The following CC2D2A variants were observed in gnomAD, a reference collection of about 807,000 sequenced individuals.
The protein encoded by CC2D2A is coiled-coil and C2 domain containing 2A, also known as coiled-coil and C2 domain-containing protein 2A.
CC2D2A carries 155 observed loss-of-function variants against 212.9 expected under a neutral mutation model. That is an observed-to-expected ratio of 0.73 (90% confidence interval 0.64 to 0.83). CC2D2A has a LOEUF of 0.83. Ranked by LOEUF, CC2D2A falls within the 40% of genes least tolerant of loss-of-function variation. CC2D2A has a pLI of 0.00. For missense variants in CC2D2A, 1,856 were observed against 1,956.2 expected (o/e 0.95, Z 0.97); for synonymous variants, 667 against 686.5 (o/e 0.97, Z 0.44).
At chr4:15,528,420 C>G (rs1307012373) in intron 12 of CC2D2A, among the ~76,000 whole-genome samples, 200 bp from the exon 13 acceptor site, 1 of 152,174 alleles carries the variant, frequency 6.6e-6, no homozygotes, top group Non-Finnish European at 1.5e-5. Context: ...CTTTACTAAT[C>G]CAGTTTCTTC....
chr4:15,501,502 A>G (rs1715951547), intron 4 of CC2D2A, among the ~76,000 whole-genome samples: 1 of 152,162 alleles, frequency 6.6e-6, no homozygotes. Flanking sequence ...TTAATGTGAC[A>G]TCAGAGGCTC....
chr4:15,519,874 T>C (rs1717108395), intron 11 of CC2D2A: 1 of 283,410 alleles, frequency 3.5e-6, no homozygotes, highest in Non-Finnish European at 7.1e-6. Flanking sequence ...AGATGAGTTT[T>C]GGGTGGGGAC....
chr4:15,540,655 G>C (rs1251622310), intron 16 of CC2D2A, among the ~76,000 whole-genome samples, 182 bp from the exon 17 acceptor site: 1 of 152,140 alleles, frequency 6.6e-6, no homozygotes, highest in East Asian at 1.9e-4. Context: ...TCTGTTAATG[G>C]CTTCTCCATA....
At chr4:15,567,313 G>C in intron 24 of CC2D2A, 64 bp from the exon 25 acceptor site, 1 of 1,211,258 alleles carries the variant, frequency 8.3e-7, no homozygotes, top group Non-Finnish European at 1.2e-6. Flanking sequence ...ATAAATAATT[G>C]TCTTCTCAAT....
At chr4:15,570,136 C>T (rs141892495) in intron 27 of CC2D2A, among the ~76,000 whole-genome samples, 20 of 152,276 alleles carry the variant, frequency 1.3e-4, no homozygotes, top group East Asian at 9.6e-4. Context: ...AGGTGCTTTA[C>T]GCACATTGTC....
intron 14 of CC2D2A, 133 bp from the exon 15 acceptor site, chr4:15,536,787 T>C: frequency 2.7e-6 from 2 of 748,312 alleles, no homozygotes; most frequent in Non-Finnish European, 4.3e-6. Context: ...CCTCACAGGA[T>C]TGTGAGTTTA....
chr4:15,524,423 ACTCGGCC>A (rs1717383936), intron 11 of CC2D2A, among the ~76,000 whole-genome samples: 2 of 141,646 alleles, frequency 1.4e-5, no homozygotes, highest in African/African-American at 5.3e-5. Context: ...GAGCCACTGC[ACTCGGCC>A]TTCTGTAAAA....
At chr4:15,470,800 T>C (rs145720158) in intron 1 of CC2D2A, among the ~76,000 whole-genome samples, 134 of 149,846 alleles carry the variant, frequency 8.9e-4, no homozygotes, top group Middle Eastern at 3.5e-3. Context: ...CACCAGGCAA[T>C]GAATTTAAGT....
rs1242070238 is a variant in CC2D2A at position 15,601,226 on chromosome 4, T to C, written c.4675-11T>C. 2 of 1,607,470 alleles carry C rather than the reference T, an allele frequency of 1.2e-6. No individual in the cohort carries two copies. Among genetic ancestry groups the C allele is most frequent in the Admixed American group, 1.7e-5 (1 of 59,538 alleles). ...ACTTCACTAATGACTACAAATGTTT[T>C]TTCCCTTCAGTTCTCTGGATTTCCT... On this transcript the variant is annotated splice_polypyrimidine_tract_variant and intron_variant, in intron 36 of 36. Transcript: ENST00000424120.
chr4:15,508,982 G>A (rs1264621668), intron 6 of CC2D2A, among the ~76,000 whole-genome samples: 2 of 152,130 alleles, frequency 1.3e-5, no homozygotes, highest in Admixed American at 1.3e-4. Flanking sequence ...TTTTAAAAGG[G>A]GTGGATTAGA....
chr4:15,530,275 G>A (rs894517725), intron 13 of CC2D2A, among the ~76,000 whole-genome samples: 2 of 152,086 alleles, frequency 1.3e-5, no homozygotes, highest in South Asian at 2.1e-4. Flanking sequence ...CCGGCCAGAG[G>A]CATTTCAATG....
chr4:15,587,948 C>T lies in CC2D2A; in HGVS notation c.4179+19C>T, dbSNP rs758452526. ...TCCTGAGGTAAGACCACATAGGCTG[C>T]CTTTAACAGAGGAGTATAGTTGTCT... is the stretch of plus-strand genomic sequence containing the variant. On this transcript the variant is annotated intron_variant, in intron 32 of 36. Transcript: ENST00000424120. 2 of 1,393,478 alleles carry T rather than the reference C, an allele frequency of 1.4e-6. No individual in the cohort carries two copies. The highest frequency in any genetic ancestry group is 2.0e-6 in the Non-Finnish European group (2 of 982,994). The allele number at this position is 1,393,478 out of a possible 1,614,324, so 86.3% of individuals were successfully genotyped here. A position where few individuals can be genotyped will look rare whatever the true frequency, so the allele number is the denominator to read the frequency against.
At chr4:15,530,096 C>G (rs1356758362) in intron 13 of CC2D2A, among the ~76,000 whole-genome samples, 1 of 151,514 alleles carries the variant, frequency 6.6e-6, no homozygotes, top group African/African-American at 2.4e-5. Context: ...CTCAGCCTCC[C>G]GAGTAGCTGG....
intron 6 of CC2D2A, 81 bp downstream of exon 6, chr4:15,503,004 G>T (rs940649535): frequency 9.9e-7 from 1 of 1,012,150 alleles, no homozygotes; most frequent in African/African-American, 1.7e-5. Flanking sequence ...TTAGAGCAGA[G>T]CTATGCACAG....
At chr4:15,538,965 G>T (rs1718279863) in intron 16 of CC2D2A, among the ~76,000 whole-genome samples, 1 of 152,070 alleles carries the variant, frequency 6.6e-6, no homozygotes, top group East Asian at 1.9e-4. Flanking sequence ...TTGGGAGGCT[G>T]AGGCAGGAGG....
chr4:15,574,229 G>A lies in CC2D2A; in HGVS notation c.3674G>A (p.Gly1225Asp), dbSNP rs1010721685. The A allele has an allele frequency of 1.3e-6, 2 of 1,551,334 alleles. No individual in the cohort carries two copies. The highest frequency in any genetic ancestry group is 1.7e-6 in the Non-Finnish European group (2 of 1,146,834). The change falls in exon 29 of 37, where the codon GGT becomes GAT. Residue 1225 changes from glycine (G) to aspartate (D), a missense_variant. Physicochemically the swap from Gly to Asp is moderately conservative, Grantham distance 94. Transcript: ENST00000424120. ...SKERNMILER[G>D]FDSVRSLSEG... ...GAGCGAAATATGATTCTTGAGCGGG[G>A]TTTTGATTCTGTCCGAAGCTTAAGT... is the stretch of plus-strand genomic sequence containing the variant.
In CC2D2A at chr4:15,557,524, GA is replaced by G. The variant is rs565325559; in HGVS notation, c.2829+18del. 136 of 1,539,444 alleles carry G rather than the reference GA, an allele frequency of 8.8e-5. 1 individual carries two copies. The South Asian group carries it at 1.5e-3, about 17-fold the overall frequency. On this transcript the variant is annotated intron_variant, in intron 21 of 36. Coordinates refer to ENST00000424120, the MANE Select transcript of CC2D2A (RefSeq NM_001378615.1). The stretch of plus-strand genomic sequence containing the variant: ...GTATTCCAGGTAAGAAACTGCCATA[GA>G]GGGGTTAATAAAATAATAAAGTACC...
chr4:15,563,584 CT>C, intron 24 of CC2D2A, 62 bp downstream of exon 24: 1 of 1,527,080 alleles, frequency 6.5e-7, no homozygotes, highest in Non-Finnish European at 8.9e-7. Flanking sequence ...TCAATCGCTC[CT>C]TTACAGCATA....
intron 17 of CC2D2A, among the ~76,000 whole-genome samples, chr4:15,546,495 A>G (rs1198619518): frequency 6.6e-6 from 1 of 152,166 alleles, no homozygotes; most frequent in Admixed American, 6.5e-5. Context: ...CTACTTGGTG[A>G]TGGCCCAGCT....
Sources: allele counts gnomAD v4.1 joint callset (sites outside exome capture counted in the v4.1 genomes callset), GRCh38; gene constraint gnomAD v4.1.1; transcripts MANE v1.5; gene names NCBI Gene and HGNC (gene_info 2026-07-23, HGNC 2026-07-21).